Variants in DTNA observed in about 807,000 individuals in gnomAD.
DTNA encodes the protein dystrophin-related protein 3.
In DTNA, 43 loss-of-function variants were observed where a neutral mutation model predicts 100.7. The ratio of observed to expected loss-of-function variants is 0.43; its 90% CI spans 0.33 to 0.55. The LOEUF (loss-of-function observed/expected upper bound fraction) is 0.55, where lower values mean the gene tolerates loss of function less well. Among genes scored for constraint, DTNA ranks in the 20% least tolerant of loss-of-function variants. The pLI, the probability that DTNA is intolerant of heterozygous loss-of-function variation, is 0.04. For missense variants in DTNA, 798 were observed against 953.9 expected (o/e 0.84, Z 2.15); for synonymous variants, 349 against 347.9 (o/e 1.00, Z -0.04).
chr18:34,557,652 T>TG (rs928586698), intron 1 of DTNA, among the ~76,000 whole-genome samples: 20 of 151,704 alleles, frequency 1.3e-4, no homozygotes, highest in Middle Eastern at 3.4e-3. Context: ...GTGCCCCTGC[T>TG]GGGGGGGTGC....
chr18:34,571,282 C>T (rs1052613708), intron 1 of DTNA, among the ~76,000 whole-genome samples: 1 of 152,192 alleles, frequency 6.6e-6, no homozygotes, highest in African/African-American at 2.4e-5. Flanking sequence ...AACTTTAAGT[C>T]TCATCAGTAT....
At chr18:34,666,015 T>C (rs1343750330) in intron 1 of DTNA, among the ~76,000 whole-genome samples, 2 of 152,226 alleles carry the variant, frequency 1.3e-5, no homozygotes, top group African/African-American at 4.8e-5. Context: ...TCCACAATGG[T>C]TAAACTAGTT....
At chr18:34,632,936 G>C (rs2058248345) in intron 1 of DTNA, among the ~76,000 whole-genome samples, 1 of 151,942 alleles carries the variant, frequency 6.6e-6, no homozygotes, top group African/African-American at 2.4e-5. Context: ...TATTCTTTGT[G>C]GTGCTATTAT....
intron 1 of DTNA, among the ~76,000 whole-genome samples, chr18:34,597,073 A>G (rs879760381): frequency 2.0e-5 from 3 of 151,268 alleles, no homozygotes; most frequent in African/African-American, 2.4e-5. Flanking sequence ...TCATTGTTCA[A>G]CTCCCACTTA....
At chr18:34,865,805 A>G (rs532348723) in intron 17 of DTNA, among the ~76,000 whole-genome samples, 20 of 152,324 alleles carry the variant, frequency 1.3e-4, no homozygotes, top group Admixed American at 1.2e-3. Flanking sequence ...ATAGAAGTCT[A>G]TTCACCACCA....
intron 6 of DTNA, among the ~76,000 whole-genome samples, chr18:34,812,344 T>G (rs2149336089): frequency 6.6e-6 from 1 of 152,272 alleles, no homozygotes; most frequent in South Asian, 2.1e-4. Flanking sequence ...TGTGCTAAAT[T>G]TTTTCCTTTC....
intron 1 of DTNA, among the ~76,000 whole-genome samples, chr18:34,598,478 G>A (rs1264162482): frequency 6.6e-6 from 1 of 152,162 alleles, no homozygotes; most frequent in Non-Finnish European, 1.5e-5. Context: ...ACACTGGGTT[G>A]TTTTCAAATC....
intron 4 of DTNA, among the ~76,000 whole-genome samples, chr18:34,800,495 G>A (rs997068044): frequency 1.3e-5 from 2 of 152,176 alleles, no homozygotes; most frequent in African/African-American, 4.8e-5. Context: ...ATGTGTTATA[G>A]TAGAGGCATG....
At chr18:34,596,451 T>C (rs2050624783) in intron 1 of DTNA, among the ~76,000 whole-genome samples, 1 of 152,170 alleles carries the variant, frequency 6.6e-6, no homozygotes, top group African/African-American at 2.4e-5. Context: ...ACTCCTGGCC[T>C]CAAGTGATCC....
In DTNA at chr18:34,714,217, A is replaced by C. The variant is rs529301367; in HGVS notation, c.-2+3772A>C. 6.6e-3 allele frequency among the ~76,000 whole-genome samples: 1,000 copies of C among 151,330 alleles called. 9 individuals carry two copies. Among genetic ancestry groups the C allele is most frequent in the African/African-American group, 0.023 (955 of 41,090 alleles). On this transcript the variant is annotated intron_variant, in intron 1 of 22. Coordinates refer to ENST00000444659, the MANE Select transcript of DTNA (RefSeq NM_001386795.1). ...ACACCAAAAGCAATGGCAACAAAAG[A>C]CAAAATTGACAAATGGGATCTAATT...
chr18:34,658,758 A>G (rs1273851799), intron 1 of DTNA, among the ~76,000 whole-genome samples: 2 of 152,260 alleles, frequency 1.3e-5, no homozygotes, highest in East Asian at 3.8e-4. Flanking sequence ...CTAAAACAGA[A>G]CAGAAAAGTC....
chr18:34,516,399 C>A (rs1432858376), intron 1 of DTNA, among the ~76,000 whole-genome samples: 9 of 152,038 alleles, frequency 5.9e-5, no homozygotes, highest in Admixed American at 5.3e-4. Flanking sequence ...AGTTTCATGT[C>A]CCACTGGGCA....
intron 1 of DTNA, among the ~76,000 whole-genome samples, chr18:34,663,263 C>T (rs1015133892): frequency 9.2e-5 from 14 of 152,110 alleles, no homozygotes; most frequent in African/African-American, 3.4e-4. Context: ...AAGTGATCCT[C>T]CTACCTCAGT....
At chr18:34,669,804 T>C (rs1043375682) in intron 1 of DTNA, among the ~76,000 whole-genome samples, 1 of 152,352 alleles carries the variant, frequency 6.6e-6, no homozygotes, top group African/African-American at 2.4e-5. Flanking sequence ...CCGCTGTTAG[T>C]CTGATGGGCT....
intron 1 of DTNA, among the ~76,000 whole-genome samples, chr18:34,726,910 A>G (rs1467917052): frequency 6.6e-6 from 1 of 152,184 alleles, no homozygotes; most frequent in Non-Finnish European, 1.5e-5. Context: ...CTGCCCTAGG[A>G]AAGTATCTTT....
Position 34,517,460 on chromosome 18 carries a change from C to CGTGTGTGTGTGTGTGT in DTNA, c.-2+23959_-2+23974dup, listed in dbSNP as rs1199695756. On this transcript the variant is annotated intron_variant, in intron 1 of 19. Coordinates refer to the DTNA transcript ENST00000283365. ...TCAGATTTAATAAGTTTTATATACA[C>CGTGTGTGTGTGTGTGT]GTGTGTGTGTGTGTGTGTGTGTGTG... Among the ~76,000 whole-genome samples the CGTGTGTGTGTGTGTGT allele has an allele frequency of 3.0e-3, 445 of 148,994 alleles. 6 individuals carry two copies. The highest frequency in any genetic ancestry group is 9.8e-3 in the African/African-American group (394 of 40,370).
At chr18:34,850,002 A>C (rs1160066479) in intron 14 of DTNA, among the ~76,000 whole-genome samples, 2 of 152,250 alleles carry the variant, frequency 1.3e-5, no homozygotes, top group African/African-American at 4.8e-5. Flanking sequence ...GGAGAACATT[A>C]GTAACTTGTG....
At chr18:34,761,649 A>G (rs1378369592) in intron 2 of DTNA, among the ~76,000 whole-genome samples, 2 of 152,252 alleles carry the variant, frequency 1.3e-5, no homozygotes, top group Non-Finnish European at 2.9e-5. Context: ...CCTTCCAACT[A>G]TGACATGGGT....
intron 17 of DTNA, among the ~76,000 whole-genome samples, chr18:34,871,139 AG>A (rs2096761733): frequency 6.6e-6 from 1 of 152,158 alleles, no homozygotes; most frequent in Non-Finnish European, 1.5e-5. Context: ...TCTAGCGGGG[AG>A]GGGGATATAT....
Sources: gnomAD v4.1 joint callset for allele counts (sites outside exome capture counted in the v4.1 genomes callset) on GRCh38, gnomAD v4.1.1 for gene constraint, MANE v1.5 for transcripts, NCBI Gene and HGNC (gene_info 2026-07-23, HGNC 2026-07-21) for gene names.